GRAMD4: variants seen among roughly 807,000 people sequenced by gnomAD.
GRAMD4 encodes the protein GRAM domain containing 4.
In GRAMD4, 25 loss-of-function variants were observed where a neutral mutation model predicts 83.9. The ratio of observed to expected loss-of-function variants is 0.30; its 90% CI spans 0.22 to 0.42. The LOEUF (loss-of-function observed/expected upper bound fraction) is 0.42, where lower values mean the gene tolerates loss of function less well. GRAMD4 is among the 10% of genes least tolerant of loss of function. The pLI is 1.00. For missense variants in GRAMD4, 593 were observed against 788.7 expected (o/e 0.75, Z 2.97); for synonymous variants, 336 against 320.9 (o/e 1.05, Z -0.50).
chr22:46,617,048 G>A (rs1248437196), upstream of GRAMD4, among the ~76,000 whole-genome samples: 1,608 of 25,466 alleles, frequency 0.063, no homozygotes, highest in East Asian at 0.14. Flanking sequence ...CTGTGCGTGT[G>A]GGTTCCCCCG....
chr22:46,594,888 TAA>T (rs1052871478), intron 1 of GRAMD4, among the ~76,000 whole-genome samples: 2 of 152,038 alleles, frequency 1.3e-5, no homozygotes, highest in Admixed American at 6.5e-5. Flanking sequence ...CGGCCAGCAC[TAA>T]GTTTTGCTGT....
At chr22:46,592,568 G>A (rs945139706) in intron 1 of GRAMD4, among the ~76,000 whole-genome samples, 1 of 152,184 alleles carries the variant, frequency 6.6e-6, no homozygotes, top group Non-Finnish European at 1.5e-5. Context: ...GCTCGATTCA[G>A]TTACTTTCCT....
Position 46,630,898 on chromosome 22 carries a change from CCGCAG to C in GRAMD4, c.162+3938_162+3942del, listed in dbSNP as rs1462816025. The stretch of plus-strand genomic sequence containing the variant: ...GGGCCGTGTGCCCTCACCCCGGCCT[CCGCAG>C]TGTGCCCTCCATAGCTCCCTCGAGG... On this transcript the variant is annotated intron_variant, in intron 2 of 18. Coordinates refer to ENST00000406902, the MANE Select transcript of GRAMD4 (RefSeq NM_015124.5). Among the ~76,000 whole-genome samples the C allele has an allele frequency of 1.2e-4, 11 of 89,010 alleles. 1 individual carries two copies. Among genetic ancestry groups the C allele is most frequent in the South Asian group, 1.0e-3 (3 of 2,912 alleles). 58.4% of individuals were successfully genotyped at this position (89,010 alleles called of 152,430 possible).
At chr22:46,580,172 C>T (rs1297315107) in intron 1 of GRAMD4, among the ~76,000 whole-genome samples, 1 of 152,242 alleles carries the variant, frequency 6.6e-6, no homozygotes, top group Non-Finnish European at 1.5e-5. Flanking sequence ...GGGAGAGAAG[C>T]TGTGGCCGGG....
rs16995533 is a variant in GRAMD4 at position 46,664,042 on chromosome 22, G to A, written c.642G>A (p.Pro214=). Residue 214 remains proline, a synonymous_variant, in exon 8 of 19, where the codon CCG becomes CCA. Transcript: ENST00000406902. ...NMRRLKRGAK[P]VTNFVKNLSA... is the part of the protein sequence containing the mutation. ...TGTCCCCAGAGCGCGGTGCCAAGCC[G>A]GTCACTAACTTTGTGAAGAACCTCT... 0.01 allele frequency: 16,881 copies of A among 1,613,210 alleles called. 644 individuals are homozygous for A. Among genetic ancestry groups the A allele is most frequent in the African/African-American group, 0.082 (6,132 of 74,996 alleles).
rs112404594 is a variant in GRAMD4 at position 46,621,711 on chromosome 22, G to A, written c.-50+1146G>A. On this transcript the variant is annotated intron_variant, in intron 1 of 18. Transcript: ENST00000406902. This position sits in a 1 kb window ranked among gnomAD's most constrained non-coding sequence, Gnocchi z 5.8. ...CAGGCTGGAGGCGTAGCCCGGGCCC[G>A]TCCCTGGCGCTGTGTCGCGGAGGGC... 3.6e-5 allele frequency among the ~76,000 whole-genome samples: 5 copies of A among 140,304 alleles called. No individual in the cohort carries two copies. The highest frequency in any genetic ancestry group is 2.1e-4 in the East Asian group (1 of 4,876). 92.0% of individuals were successfully genotyped at this position (140,304 alleles called of 152,430 possible). A position where few individuals can be genotyped will look rare whatever the true frequency, so the allele number is the denominator to read the frequency against.
Position 46,658,181 on chromosome 22 carries a change from C to A in GRAMD4, c.284-6C>A, listed in dbSNP as rs1458181211. On this transcript the variant is annotated splice_region_variant and splice_polypyrimidine_tract_variant and intron_variant, in intron 3 of 18. Coordinates refer to ENST00000406902, the MANE Select transcript of GRAMD4 (RefSeq NM_015124.5). ...GATGGTCACCTGGCCGTTCTCTCCC[C>A]CATAGAGGAGGAGCTCCGGAAGCTG... 4 of 1,613,660 alleles carry A rather than the reference C, an allele frequency of 2.5e-6. No individual in the cohort carries two copies. Among genetic ancestry groups the A allele is most frequent in the South Asian group, 1.1e-5 (1 of 91,058 alleles).
chr22:46,577,247 C>T, exon 1 of GRAMD4: 1 of 976,610 alleles, frequency 1.0e-6, no homozygotes, highest in Non-Finnish European at 1.2e-6. Flanking sequence ...GCGAGGGGGG[C>T]GCCGCGGCGG....
At chr22:46,644,082 G>A (rs918277484) in intron 3 of GRAMD4, among the ~76,000 whole-genome samples, 2 of 152,098 alleles carry the variant, frequency 1.3e-5, no homozygotes, top group South Asian at 2.1e-4. Flanking sequence ...TCCTGCTTAG[G>A]TAAATGTTAA....
At position 46,678,354 on chromosome 22, in the gene GRAMD4, C is replaced by G; in HGVS notation, c.*1103C>G. 1 of 985,468 alleles carries G rather than the reference C, an allele frequency of 1.0e-6. No homozygotes were observed. The highest frequency in any genetic ancestry group is 1.2e-6 in the Non-Finnish European group (1 of 829,936). The allele number at this position is 985,468 out of a possible 1,614,324, so 61.0% of individuals were successfully genotyped here. On this transcript the variant is annotated 3_prime_UTR_variant, in exon 19 of 19. Transcript: ENST00000406902. ...TGCAGCCGACATGCGACAGCGTTCC[C>G]TCCCCCGCGTGCCTAGCCGGTGCCG...
upstream of GRAMD4, among the ~76,000 whole-genome samples, chr22:46,616,332 A>G (rs1304583814): frequency 1.7e-4 from 4 of 24,040 alleles, no homozygotes; most frequent in African/African-American, 4.9e-4. Context: ...CTGTGTGTGT[A>G]GGTTCCCCTG....
At chr22:46,670,114 A>ACCCCGG in intron 13 of GRAMD4, among the ~76,000 whole-genome samples, 1 of 151,622 alleles carries the variant, frequency 6.6e-6, no homozygotes, top group East Asian at 2.0e-4. Context: ...GGGAGGTCAG[A>ACCCCGG]CCCCGGCCCC....
intron 13 of GRAMD4, among the ~76,000 whole-genome samples, chr22:46,671,656 AAAAATAAAATAAAAT>A (rs149423289): frequency 9.0e-4 from 129 of 143,046 alleles, no homozygotes; most frequent in African/African-American, 3.1e-3. Context: ...ACTCCGTCTC[AAAAATAAAATAAAAT>A]AAAATAAAAT....
chr22:46,586,988 C>T (rs16995468), intron 1 of GRAMD4, among the ~76,000 whole-genome samples: 16,207 of 152,228 alleles, frequency 0.11, 967 homozygotes, highest in East Asian at 0.28. Context: ...CCCTCTTACC[C>T]GGGAAGAACC....
chr22:46,675,580 C>T (rs1204071510), intron 17 of GRAMD4, 28 bp downstream of exon 17: 1 of 1,421,308 alleles, frequency 7.0e-7, no homozygotes, highest in Admixed American at 1.7e-5. Context: ...CCCCCACTAA[C>T]CCCCGTGTTT....
intron 2 of GRAMD4, among the ~76,000 whole-genome samples, chr22:46,630,630 T>C (rs2081755999): frequency 6.6e-6 from 1 of 152,178 alleles, no homozygotes; most frequent in African/African-American, 2.4e-5. Flanking sequence ...CAGGAGCTCT[T>C]CCGTGGCGGA....
At chr22:46,682,521 G>GTCGCAGTCCCGA, downstream of GRAMD4, 1 of 831,226 alleles carries the variant, frequency 1.2e-6, no homozygotes, top group Non-Finnish European at 1.5e-6. Flanking sequence ...CAGAACCCTC[G>GTCGCAGTCCCGA]GGACTGCGAC....
intron 2 of GRAMD4, among the ~76,000 whole-genome samples, chr22:46,627,558 G>C (rs1037055150): frequency 2.0e-5 from 3 of 152,196 alleles, no homozygotes; most frequent in African/African-American, 7.2e-5. Context: ...TGCATTTGGT[G>C]GGGGGTGGGG....
At chr22:46,666,704 C>G in intron 9 of GRAMD4, 121 bp from the exon 10 acceptor site, 1 of 806,162 alleles carries the variant, frequency 1.2e-6, no homozygotes, top group Non-Finnish European at 2.2e-6. Flanking sequence ...CATTGGGCAG[C>G]ATAGAAGGAC....
Sources: allele counts gnomAD v4.1 joint callset (sites outside exome capture counted in the v4.1 genomes callset), GRCh38; gene constraint gnomAD v4.1.1; non-coding constraint Gnocchi (gnomAD v3.1); transcripts MANE v1.5; gene names NCBI Gene and HGNC (gene_info 2026-07-23, HGNC 2026-07-21).